The following CEMIP variants were observed in gnomAD, a reference collection of about 807,000 sequenced individuals.
CEMIP encodes the protein cell migration-inducing and hyaluronan-binding protein.
A neutral mutation model predicts 156.9 loss-of-function variants in CEMIP; 105 were observed. The observed-to-expected ratio is 0.67, with a 90% CI of 0.57 to 0.79. The LOEUF (loss-of-function observed/expected upper bound fraction) is 0.79, where lower values mean the gene tolerates loss of function less well. CEMIP is among the 30% of genes least tolerant of loss of function. The probability of loss-of-function intolerance (pLI) is 0.00; values close to 1 mark genes in which losing one functional copy is unlikely to be tolerated. For missense variants in CEMIP, 1,457 were observed against 1,769.4 expected (o/e 0.82, Z 3.17); for synonymous variants, 676 against 668.4 (o/e 1.01, Z -0.17).
intron 1 of CEMIP, among the ~76,000 whole-genome samples, chr15:80,794,222 C>T (rs1371337941): frequency 6.6e-6 from 1 of 152,230 alleles, no homozygotes; most frequent in Non-Finnish European, 1.5e-5. Context: ...ATTTCTCCCT[C>T]ACACAAAATA....
chr15:80,812,246 A>G (rs940274490), intron 1 of CEMIP, among the ~76,000 whole-genome samples: 6 of 152,180 alleles, frequency 3.9e-5, no homozygotes, highest in Non-Finnish European at 8.8e-5. Context: ...ATATTCTGCA[A>G]TGTTATAATT....
chr15:80,943,167 C>T, intron 28 of CEMIP, 65 bp downstream of exon 28: 1 of 1,547,554 alleles, frequency 6.5e-7, no homozygotes, highest in African/African-American at 1.4e-5. Flanking sequence ...CAAGGGCCCC[C>T]TCCCTCTCAC....
intron 12 of CEMIP, chr15:80,897,331 T>C (rs1567088821): frequency 2.2e-6 from 1 of 456,022 alleles, no homozygotes; most frequent in African/African-American, 2.0e-5. Context: ...GATGTGCTTG[T>C]GGAAGAATCT....
At chr15:80,884,953 G>A (rs776067371) in intron 7 of CEMIP, among the ~76,000 whole-genome samples, 70 of 152,188 alleles carry the variant, frequency 4.6e-4, no homozygotes, top group Middle Eastern at 3.4e-3. Context: ...TATGCAGGAC[G>A]TGCTTGTTTG....
At chr15:80,935,186 T>G (rs1901072987) in intron 23 of CEMIP, among the ~76,000 whole-genome samples, 1 of 152,040 alleles carries the variant, frequency 6.6e-6, no homozygotes, top group African/African-American at 2.4e-5. Flanking sequence ...GAGTGGTTGA[T>G]ATGATGATGT....
In CEMIP at chr15:80,922,117, C is replaced by T. The variant is rs747919572; in HGVS notation, c.2182C>T (p.Arg728Ter). ...TCCACTGGGAAAATTCTATAACAAC[C>T]GAGCACATTCCAACTACCGGGTAAG... is the stretch of plus-strand genomic sequence containing the variant. ...HIPLGKFYNN[R>*]AHSNYRAGMI... is the part of the protein sequence containing the mutation. Residue 728 changes from arginine (R) to a stop codon, truncating the protein, a stop_gained, in exon 17 of 30, where the codon CGA (arginine) becomes TGA (stop). Transcript: ENST00000394685. LOFTEE classifies it high-confidence loss of function. The T allele has an allele frequency of 1.4e-5, 22 of 1,614,128 alleles. No homozygotes were observed. Among genetic ancestry groups the T allele is most frequent in the Non-Finnish European group, 1.7e-5 (20 of 1,180,048 alleles).
intron 1 of CEMIP, among the ~76,000 whole-genome samples, chr15:80,799,431 G>A (rs8042408): frequency 0.12 from 18,395 of 152,226 alleles, 1,887 homozygotes; most frequent in African/African-American, 0.27. Flanking sequence ...CCCAGGCTAG[G>A]GAAGGCCTGG....
intron 1 of CEMIP, among the ~76,000 whole-genome samples, chr15:80,861,450 C>G (rs757071879): frequency 2.6e-5 from 4 of 152,230 alleles, no homozygotes; most frequent in Non-Finnish European, 4.4e-5. Context: ...GCTGTATTCT[C>G]CAGGCATCCT....
intron 28 of CEMIP, among the ~76,000 whole-genome samples, chr15:80,945,564 T>C (rs1030851251): frequency 6.6e-6 from 1 of 152,218 alleles, no homozygotes; most frequent in Non-Finnish European, 1.5e-5. Flanking sequence ...CCAGCCTTCC[T>C]CAAGGGCCTG....
chr15:80,824,576 T>C (rs1896987336), intron 1 of CEMIP, among the ~76,000 whole-genome samples: 1 of 152,160 alleles, frequency 6.6e-6, no homozygotes, highest in African/African-American at 2.4e-5. Flanking sequence ...CCCCAGCCAC[T>C]ACACCTCAAT....
chr15:80,951,690 A>T lies in CEMIP; in HGVS notation c.*2766A>T, dbSNP rs1901836995. ...GGAGATGTCCTTTGCATTGCTTGGAAGGGGTGTACCTAGAGCCAAGGAAAT... is the reference window on the plus strand; with the variant it reads ...GGAGATGTCCTTTGCATTGCTTGGATGGGGTGTACCTAGAGCCAAGGAAAT... On this transcript the variant is annotated 3_prime_UTR_variant, in exon 30 of 30. Transcript: ENST00000394685. 1 of 152,580 alleles carries T rather than the reference A, an allele frequency of 6.6e-6. No individual in the cohort carries two copies. Among genetic ancestry groups the T allele is most frequent in the Non-Finnish European group, 1.5e-5 (1 of 68,156 alleles). 9.5% of individuals were successfully genotyped at this position (152,580 alleles called of 1,614,324 possible).
intron 1 of CEMIP, among the ~76,000 whole-genome samples, chr15:80,805,329 C>T (rs1032650139): frequency 6.6e-6 from 1 of 152,198 alleles, no homozygotes; most frequent in African/African-American, 2.4e-5. Context: ...CCCCTTCCTG[C>T]CCGCCCGGGA....
At position 80,878,801 on chromosome 15, in the gene CEMIP, G is replaced by A. The variant is rs147183071; in HGVS notation, c.175G>A (p.Gly59Ser). 31 of 1,614,016 alleles carry A rather than the reference G, an allele frequency of 1.9e-5. No homozygotes were observed. Among genetic ancestry groups the A allele is most frequent in the African/African-American group, 1.9e-4 (14 of 74,908 alleles). ...TGACCAAGACCACCATGTGCATATC[G>A]GCCAGGGCAAGACACTGCTGCTCAC... ...GHDQDHHVHI[G>S]QGKTLLLTSS... The change falls in exon 4 of 30, where the codon GGC (glycine) becomes AGC (serine). Residue 59 changes from glycine to serine, a missense_variant. Physicochemically the swap from Gly to Ser is moderately conservative, Grantham distance 56 (BLOSUM62 0). This residue lies in a region of CEMIP where 309 missense variants were observed against 340.8 expected (regional missense o/e 0.91). Transcript: ENST00000394685.
intron 1 of CEMIP, among the ~76,000 whole-genome samples, chr15:80,827,222 TGAGAAAGGGA>T (rs530564517): frequency 7.2e-4 from 110 of 152,248 alleles, no homozygotes; most frequent in African/African-American, 2.6e-3. Flanking sequence ...TTACCTGATA[TGAGAAAGGGA>T]GAGAAAGAGA....
intron 1 of CEMIP, among the ~76,000 whole-genome samples, chr15:80,813,570 T>C (rs1376191501): frequency 1.3e-5 from 2 of 152,036 alleles, no homozygotes; most frequent in Non-Finnish European, 2.9e-5. Context: ...GGTCTCGAAT[T>C]CCTGTCCTCA....
At chr15:80,896,222 C>T in intron 12 of CEMIP, 162 bp downstream of exon 12, 1 of 767,718 alleles carries the variant, frequency 1.3e-6, no homozygotes, top group Admixed American at 2.0e-5. Context: ...TTATTTCTTA[C>T]TCATGTATCT....
At chr15:80,829,344 G>A (rs186541289) in intron 1 of CEMIP, among the ~76,000 whole-genome samples, 2 of 152,170 alleles carry the variant, frequency 1.3e-5, no homozygotes, top group African/African-American at 2.4e-5. Context: ...AGCTGCTGCT[G>A]TTGCTCAGCT....
intron 28 of CEMIP, among the ~76,000 whole-genome samples, chr15:80,944,744 T>C (rs1163417455): frequency 6.6e-6 from 1 of 152,220 alleles, no homozygotes; most frequent in East Asian, 1.9e-4. Flanking sequence ...GAAAAATAGT[T>C]ATCCTCTAGA....
chr15:80,854,616 A>G (rs1897800246), intron 1 of CEMIP, among the ~76,000 whole-genome samples: 1 of 152,226 alleles, frequency 6.6e-6, no homozygotes, highest in Non-Finnish European at 1.5e-5. Flanking sequence ...TTTATGTAAG[A>G]GAGTTAACTG....
Sources: gnomAD v4.1 joint callset for allele counts (sites outside exome capture counted in the v4.1 genomes callset) on GRCh38, gnomAD v4.1.1 for gene constraint, gnomAD v4.1.1 regional missense constraint, MANE v1.5 for transcripts, NCBI Gene and HGNC (gene_info 2026-07-23, HGNC 2026-07-21) for gene names.